Variants in RBMS3 observed in about 807,000 individuals in gnomAD.
RBMS3 encodes the protein RNA-binding motif, single-stranded-interacting protein 3.
RBMS3 carries 27 observed loss-of-function variants against 66.8 expected under a neutral mutation model. The ratio of observed to expected loss-of-function variants is 0.40; its 90% CI spans 0.30 to 0.56. The LOEUF (loss-of-function observed/expected upper bound fraction) is 0.56, where lower values mean the gene tolerates loss of function less well. Ranked by LOEUF, RBMS3 falls within the 20% of genes least tolerant of loss-of-function variation. The probability of loss-of-function intolerance (pLI) is 0.40; values close to 1 mark genes in which losing one functional copy is unlikely to be tolerated. For missense variants in RBMS3, 513 were observed against 549.5 expected, an observed-to-expected ratio of 0.93 and a Z score of 0.66; for synonymous variants, 188 against 183.0, an observed-to-expected ratio of 1.03 and a Z score of -0.22.
At chr3:29,340,168 G>A (rs2036201028) in intron 1 of RBMS3, among the ~76,000 whole-genome samples, 1 of 152,070 alleles carries the variant, frequency 6.6e-6, no homozygotes, top group African/African-American at 2.4e-5. Context: ...CATAATTTGT[G>A]GAGCCTAGTT....
chr3:29,824,766 C>A (rs1209925044), intron 6 of RBMS3, among the ~76,000 whole-genome samples: 4 of 151,978 alleles, frequency 2.6e-5, no homozygotes, highest in Admixed American at 6.6e-5. Flanking sequence ...AGCTCAGAAA[C>A]CATACAAGAA....
intron 6 of RBMS3, among the ~76,000 whole-genome samples, chr3:29,774,664 T>G (rs2056356499): frequency 6.6e-6 from 1 of 152,152 alleles, no homozygotes; most frequent in Middle Eastern, 3.4e-3. Flanking sequence ...ACGAATTCAT[T>G]ATTTGCCTTT....
intron 2 of RBMS3, among the ~76,000 whole-genome samples, chr3:29,476,648 T>C (rs2042958049): frequency 6.6e-6 from 1 of 152,234 alleles, no homozygotes; most frequent in Non-Finnish European, 1.5e-5. Context: ...TTCACTTGGG[T>C]ACTTCGTCTT....
Position 29,623,257 on chromosome 3 carries a change from T to G in RBMS3, c.399+36052T>G, listed in dbSNP as rs184794168. On this transcript the variant is annotated intron_variant, in intron 4 of 14. Transcript: ENST00000383767. ...CTATAATGTAATTAAAGCACTACTTTAAATATACGCCGAGTACTAGGCAAT... is the reference window on the plus strand; with the variant it reads ...CTATAATGTAATTAAAGCACTACTTGAAATATACGCCGAGTACTAGGCAAT... 2.2e-4 allele frequency among the ~76,000 whole-genome samples: 34 copies of G among 151,970 alleles called. No individual in the cohort carries two copies. The East Asian group carries it at 5.6e-3, about 25-fold the overall frequency.
In RBMS3 at chr3:29,741,662, G is replaced by T. The variant is rs188726146; in HGVS notation, c.557+1785G>T. On this transcript the variant is annotated intron_variant, in intron 5 of 14. Transcript: ENST00000383767. Reference sequence around the variant, plus strand: ...TTTTCTTTAAACAAAGGATGTGTTCGTACAAAGTATATTAGTTTCCTAGGT... The same window carrying T: ...TTTTCTTTAAACAAAGGATGTGTTCTTACAAAGTATATTAGTTTCCTAGGT... Among the ~76,000 whole-genome samples the T allele has an allele frequency of 1.3e-4, 20 of 152,260 alleles. No homozygotes were observed. In the East Asian group the frequency reaches 3.5e-3, roughly 26 times the overall value.
At chr3:29,447,258 A>T (rs543195565) in intron 2 of RBMS3, among the ~76,000 whole-genome samples, 22 of 152,188 alleles carry the variant, frequency 1.4e-4, no homozygotes, top group Non-Finnish European at 2.9e-4. Flanking sequence ...TATTCATTTA[A>T]GTAATTACAG....
chr3:29,646,565 G>A (rs973065923), intron 4 of RBMS3, among the ~76,000 whole-genome samples: 1 of 151,796 alleles, frequency 6.6e-6, no homozygotes, highest in Non-Finnish European at 1.5e-5. Context: ...TCTCTTATAA[G>A]TATGTCTACA....
chr3:29,505,519 G>GT (rs60178915), intron 3 of RBMS3, among the ~76,000 whole-genome samples: 62,536 of 142,902 alleles, frequency 0.44, 13,774 homozygotes, highest in East Asian at 0.68. Context: ...TTTTTTTTTT[G>GT]TTGTTTGTTT....
chr3:29,733,731 G>T (rs1159135477), intron 4 of RBMS3, among the ~76,000 whole-genome samples: 1 of 152,002 alleles, frequency 6.6e-6, no homozygotes, highest in Non-Finnish European at 1.5e-5. Context: ...TCGGTTGATT[G>T]TTTCCTTTTA....
At chr3:29,877,352 A>G (rs1293637641) in intron 7 of RBMS3, among the ~76,000 whole-genome samples, 1 of 152,188 alleles carries the variant, frequency 6.6e-6, no homozygotes, top group African/African-American at 2.4e-5. Flanking sequence ...CAGAACAAAA[A>G]TAAGGGGAGA....
intron 2 of RBMS3, among the ~76,000 whole-genome samples, chr3:29,473,827 G>T (rs1347327432): frequency 6.6e-6 from 1 of 152,242 alleles, no homozygotes; most frequent in East Asian, 1.9e-4. Context: ...CGCCCACCTG[G>T]AAGTCCAGCT....
chr3:29,781,923 G>A (rs1177690494), intron 6 of RBMS3, among the ~76,000 whole-genome samples: 1 of 151,782 alleles, frequency 6.6e-6, no homozygotes, highest in African/African-American at 2.4e-5. Context: ...AATCCCCCCG[G>A]GAATATAACT....
intron 2 of RBMS3, among the ~76,000 whole-genome samples, chr3:29,468,018 A>G (rs2042598671): frequency 6.6e-6 from 1 of 152,148 alleles, no homozygotes; most frequent in Non-Finnish European, 1.5e-5. Context: ...TGTTGGCTAC[A>G]GTTTAATCTT....
intron 1 of RBMS3, among the ~76,000 whole-genome samples, chr3:29,389,030 T>A (rs1472415528): frequency 6.6e-6 from 1 of 152,232 alleles, no homozygotes. Flanking sequence ...TTTAAAAGTT[T>A]TATTTAATTG....
intron 10 of RBMS3, among the ~76,000 whole-genome samples, chr3:29,919,424 C>G (rs762052973): frequency 6.6e-6 from 1 of 152,106 alleles, no homozygotes. Context: ...TGCAGCTGTT[C>G]GAGCTGTGGA....
chr3:29,968,234 G>A (rs1018993783), intron 12 of RBMS3, among the ~76,000 whole-genome samples: 10 of 152,296 alleles, frequency 6.6e-5, no homozygotes, highest in East Asian at 3.9e-4. Flanking sequence ...GGTGGAGGGC[G>A]AGACAGGCTT....
At chr3:29,661,085 T>C (rs932603927) in intron 4 of RBMS3, among the ~76,000 whole-genome samples, 9 of 152,152 alleles carry the variant, frequency 5.9e-5, no homozygotes, top group Admixed American at 3.9e-4. Flanking sequence ...GCCACGAGGA[T>C]TGGGGTGGGG....
At chr3:29,313,745 A>G (rs1314999666) in intron 1 of RBMS3, among the ~76,000 whole-genome samples, 2 of 151,766 alleles carry the variant, frequency 1.3e-5, no homozygotes, top group Admixed American at 6.6e-5. Flanking sequence ...ATTGGTCTCC[A>G]GAGCTAGCCA....
intron 5 of RBMS3, among the ~76,000 whole-genome samples, chr3:29,740,760 G>A (rs2054601315): frequency 6.6e-6 from 1 of 152,100 alleles, no homozygotes; most frequent in Admixed American, 6.5e-5. Flanking sequence ...GTTCATCTAG[G>A]GCCAGGCAGG....
Sources: allele counts gnomAD v4.1 joint callset (sites outside exome capture counted in the v4.1 genomes callset), GRCh38; gene constraint gnomAD v4.1.1; transcripts MANE v1.5; gene names NCBI Gene and HGNC (gene_info 2026-07-23, HGNC 2026-07-21).